TENM1: variants seen among roughly 807,000 people sequenced by gnomAD.
TENM1 encodes teneurin-1.
TENM1 carries 35 observed loss-of-function variants against 174.8 expected under a neutral mutation model. That is an observed-to-expected ratio of 0.20 (90% CI 0.15 to 0.27). The LOEUF is 0.27. TENM1 is among the 10% of genes least tolerant of loss of function. The probability of loss-of-function intolerance (pLI) is 1.00; values close to 1 mark genes in which losing one functional copy is unlikely to be tolerated. For synonymous variants in TENM1, 781 were observed against 798.7 expected (o/e 0.98, Z 0.37); for missense variants, 1,633 against 2,130.1 (o/e 0.77, Z 4.59).
chrX:125,125,813 C>T, the TENM1 span, among the ~76,000 whole-genome samples: 2 of 111,762 alleles, frequency 1.8e-5, no homozygotes, highest in African/African-American at 3.3e-5. Flanking sequence ...TCATAAGAAT[C>T]GTTTGACTCA....
At chrX:124,773,379 C>G (rs747889221) in intron 3 of TENM1, among the ~76,000 whole-genome samples, 4 of 107,336 alleles carry the variant, frequency 3.7e-5, no homozygotes, top group Admixed American at 1.0e-4. Flanking sequence ...AATTCGGCTT[C>G]TGGCAATAAT....
chrX:124,449,052 C>T (rs940168162), intron 23 of TENM1, among the ~76,000 whole-genome samples: 1 of 111,855 alleles, frequency 8.9e-6, no homozygotes, highest in Admixed American at 9.5e-5. Context: ...TTTAGTGTGT[C>T]TCAGGCACAG....
chrX:124,499,475 C>T (rs905855354), intron 19 of TENM1, among the ~76,000 whole-genome samples: 1 of 111,792 alleles, frequency 8.9e-6, no homozygotes, highest in African/African-American at 3.3e-5. Context: ...ACATGATTTG[C>T]AGGAGCAGCT....
intron 14 of TENM1, among the ~76,000 whole-genome samples, chrX:124,555,685 T>C (rs956098875): frequency 2.7e-5 from 3 of 111,923 alleles, no homozygotes. Context: ...TGATACTTTA[T>C]GAAAAGTTAA....
At chrX:124,755,025 T>C (rs1276964611) in intron 3 of TENM1, among the ~76,000 whole-genome samples, 2 of 101,309 alleles carry the variant, frequency 2.0e-5, no homozygotes, top group Non-Finnish European at 3.9e-5. Context: ...AGAGCTGAGT[T>C]CAATTCCTGG....
intron 15 of TENM1, among the ~76,000 whole-genome samples, chrX:124,544,709 C>T (rs765748918): frequency 1.4e-4 from 16 of 111,857 alleles, no homozygotes; most frequent in South Asian, 3.7e-4. Flanking sequence ...ATTTGGTTCA[C>T]GTCACCAGGC....
At chrX:124,805,638 G>A (rs1361284942) in intron 3 of TENM1, among the ~76,000 whole-genome samples, 2 of 112,228 alleles carry the variant, frequency 1.8e-5, no homozygotes, top group Non-Finnish European at 3.8e-5. Context: ...TGGCAAGCAG[G>A]CCTCAGCAAC....
In TENM1 at chrX:124,615,768, A is replaced by G. The variant is rs188150033; in HGVS notation, c.2077+26023T>C. On this transcript the variant is annotated intron_variant, in intron 11 of 31. Coordinates refer to ENST00000422452, the Ensembl canonical transcript of TENM1. Reference sequence around the variant, plus strand: ...GACTTTTGGATATAGGTTAACTTCTATGAAGTCTCGGTCACAGAGAAAATA... The same window carrying G: ...GACTTTTGGATATAGGTTAACTTCTGTGAAGTCTCGGTCACAGAGAAAATA... Among the ~76,000 whole-genome samples the G allele has an allele frequency of 6.3e-5, 7 of 111,862 alleles. No individual in the cohort carries two copies. In the Admixed American group the frequency reaches 6.6e-4, roughly 11 times the overall value.
intron 3 of TENM1, among the ~76,000 whole-genome samples, chrX:124,824,695 A>G (rs1159696652): frequency 1.8e-5 from 2 of 112,271 alleles, no homozygotes; most frequent in Non-Finnish European, 3.8e-5. Context: ...AATTGGAATC[A>G]TGAGTGTTTG....
chrX:124,881,976 A>G (rs1421199660), intron 3 of TENM1, among the ~76,000 whole-genome samples: 4 of 111,838 alleles, frequency 3.6e-5, no homozygotes, highest in African/African-American at 1.3e-4. Context: ...TGACCCGCCC[A>G]CTTCGGCCTC....
At chrX:124,702,540 T>G (rs5956680) in intron 5 of TENM1, among the ~76,000 whole-genome samples, 3,039 of 112,552 alleles carry the variant, frequency 0.027, 53 homozygotes, top group African/African-American at 0.056. Context: ...ACCATGGGAA[T>G]AGATGACTTG....
At chrX:124,393,314 G>A (rs1321073336) in intron 27 of TENM1, among the ~76,000 whole-genome samples, 1 of 111,188 alleles carries the variant, frequency 9.0e-6, no homozygotes, top group Non-Finnish European at 1.9e-5. Flanking sequence ...GTTTCAGCTG[G>A]TAGTGTCAGT....
chrX:124,888,276 G>A (rs2057421453), intron 3 of TENM1, among the ~76,000 whole-genome samples: 1 of 111,621 alleles, frequency 9.0e-6, no homozygotes, highest in Non-Finnish European at 1.9e-5. Flanking sequence ...TTATGAGATT[G>A]TATCAGATAT....
chrX:125,130,589 A>T, the TENM1 span, among the ~76,000 whole-genome samples: 1 of 111,216 alleles, frequency 9.0e-6, no homozygotes, highest in Admixed American at 9.5e-5. Context: ...CTATAATATG[A>T]TTTACTTTGA....
chrX:124,866,258 T>G (rs58347924), intron 3 of TENM1, among the ~76,000 whole-genome samples: 2,773 of 111,896 alleles, frequency 0.025, 79 homozygotes, highest in African/African-American at 0.085. Flanking sequence ...CATATTTTAG[T>G]TCACAAAACA....
chrX:124,829,221 CTTAT>C (rs1037067308), intron 3 of TENM1, among the ~76,000 whole-genome samples: 9 of 112,098 alleles, frequency 8.0e-5, no homozygotes, highest in Non-Finnish European at 1.7e-4. Flanking sequence ...GATTCAGGGG[CTTAT>C]TTCTTTCCCT....
At chrX:125,096,111 T>C in the TENM1 span, among the ~76,000 whole-genome samples, 3 of 112,020 alleles carry the variant, frequency 2.7e-5, no homozygotes, top group Admixed American at 1.9e-4. Flanking sequence ...AGTATGCTTA[T>C]GACATCAGTG....
rs1602957838 is a variant in TENM1, at chrX:124,668,680, C to G, written c.1168+3003G>C. ...CACATGGACACAGGAAGGGGAACAT[C>G]ACACTCTGGGGACTGTTGTGGGGTG... On this transcript the variant is annotated intron_variant, in intron 6 of 31. Coordinates refer to ENST00000422452, the Ensembl canonical transcript of TENM1. Among the ~76,000 whole-genome samples the G allele has an allele frequency of 2.8e-5, 3 of 107,869 alleles. No individual in the cohort carries two copies. In the Admixed American group the frequency reaches 3.0e-4, roughly 11 times the overall value. 93.7% of individuals were successfully genotyped at this position (107,869 alleles called of 115,157 possible). A position where few individuals can be genotyped will look rare whatever the true frequency, so the allele number is the denominator to read the frequency against.
chrX:125,111,519 G>A, the TENM1 span, among the ~76,000 whole-genome samples: 1 of 112,297 alleles, frequency 8.9e-6, no homozygotes, highest in South Asian at 3.7e-4. Flanking sequence ...ATTGATAACT[G>A]TGAATATTTA....
Sources: gnomAD v4.1 joint callset for allele counts (sites outside exome capture counted in the v4.1 genomes callset) on GRCh38, gnomAD v4.1.1 for gene constraint, MANE v1.5 for transcripts, NCBI Gene and HGNC (gene_info 2026-07-23, HGNC 2026-07-21) for gene names.